Variants in DET1 observed in about 807,000 individuals in gnomAD.
DET1 encodes DET1 partner of COP1 E3 ubiquitin ligase, also known as DET1 homolog.
Under a neutral mutation model 43.7 loss-of-function variants are expected in DET1, and 22 were observed. That is an observed-to-expected ratio of 0.50 (90% confidence interval 0.36 to 0.72). DET1 has a LOEUF of 0.72. DET1 is among the 30% of genes least tolerant of loss of function. The pLI is 0.00. For synonymous variants in DET1, 315 were observed against 266.2 expected, an observed-to-expected ratio of 1.18 and a Z score of -1.79; for missense variants, 713 against 713.3, an observed-to-expected ratio of 1.00 and a Z score of 0.00.
At chr15:88,538,642 T>C (rs575226908) in intron 1 of DET1, among the ~76,000 whole-genome samples, 31 of 152,118 alleles carry the variant, frequency 2.0e-4, no homozygotes, top group Non-Finnish European at 4.3e-4. Context: ...GGGTACAACA[T>C]AATGGAGGCC....
intron 3 of DET1, among the ~76,000 whole-genome samples, chr15:88,519,357 C>G (rs1567060412): frequency 1.3e-5 from 2 of 152,184 alleles, no homozygotes; most frequent in Non-Finnish European, 2.9e-5. Context: ...CTTTACAGCA[C>G]CATAGCCTCC....
rs1324325764 is a variant in DET1 at position 88,527,805 on chromosome 15, A to G, written c.1084-19T>C. On this transcript the variant is annotated intron_variant, in intron 2 of 4. Transcript: ENST00000268148. ...AAGATGCCTGCAGAAGAAAAGAGAG[A>G]GAGGTATGGGACAGCTGAGTATAAT... 1 of 1,567,510 alleles carries G rather than the reference A, an allele frequency of 6.4e-7. No homozygotes were observed. The highest frequency in any genetic ancestry group is 1.2e-5 in the South Asian group (1 of 85,094).
chr15:88,510,863 T>C (rs1213515310), downstream of DET1, among the ~76,000 whole-genome samples: 1 of 144,026 alleles, frequency 6.9e-6, no homozygotes, highest in East Asian at 2.3e-4. Flanking sequence ...AAGCCCCACC[T>C]CCCGGGTTCA....
intron 1 of DET1, among the ~76,000 whole-genome samples, chr15:88,543,267 T>G (rs528684496): frequency 2.0e-5 from 3 of 152,334 alleles, no homozygotes; most frequent in Admixed American, 2.0e-4. Flanking sequence ...GATGGCCAAG[T>G]AGCAGCTAGA....
chr15:88,530,751 A>G lies in DET1; in HGVS notation c.955T>C (p.Phe319Leu), dbSNP rs769319760. Reference sequence around the variant, plus strand: ...CGCAGTTGGTCAAAATACTGGAAGAAGCGCCTCTTGGCCATTGCACTACCA... The same window carrying G: ...CGCAGTTGGTCAAAATACTGGAAGAGGCGCCTCTTGGCCATTGCACTACCA... ...QDGSAMAKRR[F>L]FQYFDQLRQL... Residue 319 changes from phenylalanine to leucine, a missense_variant, in exon 2 of 5, where the codon TTC (phenylalanine) becomes CTC (leucine). Physicochemically the swap from Phe to Leu is conservative, Grantham distance 22. Coordinates refer to ENST00000268148, the MANE Select transcript of DET1 (RefSeq NM_001144074.3). The G allele has an allele frequency of 1.2e-6, 2 of 1,613,960 alleles. No homozygotes were observed. Among genetic ancestry groups the G allele is most frequent in the Non-Finnish European group, 1.7e-6 (2 of 1,179,852 alleles).
rs1321259346 is a variant in DET1 at position 88,530,849 on chromosome 15, G to C, written c.857C>G (p.Pro286Arg). The C allele has an allele frequency of 6.2e-7, 1 of 1,613,960 alleles. No individual in the cohort carries two copies. The change falls in exon 2 of 5, where the codon CCC (proline) becomes CGC (arginine). Residue 286 changes from proline (P) to arginine (R), a missense_variant. Pro to Arg is a moderately radical substitution (Grantham distance 103). Coordinates refer to ENST00000268148, the MANE Select transcript of DET1 (RefSeq NM_001144074.3). ...GGAATTGATGAAAGGATCCCTAAAG[G>C]GATTGGCCATGCCTGTCTGACTGTC... ...QRDSQTGMANPFRDPFINSLK... is the reference protein window; with the variant it reads ...QRDSQTGMANRFRDPFINSLK...
chr15:88,512,416 G>GA, downstream of DET1: 1 of 985,556 alleles, frequency 1.0e-6, no homozygotes, highest in Non-Finnish European at 1.2e-6. Context: ...GTCCTTCCTG[G>GA]AACCCAAGTA....
rs1004126289 is a variant in DET1, at chr15:88,516,271, G to T, written c.1463+511C>A. Among the ~76,000 whole-genome samples, 19 of 152,322 alleles carry T rather than the reference G, an allele frequency of 1.2e-4. No individual in the cohort carries two copies. Among genetic ancestry groups the T allele is most frequent in the African/African-American group, 4.6e-4 (19 of 41,576 alleles). Reference sequence around the variant, plus strand: ...TGTGAACTAGACTTCTGTGAGGAAAGAATTTCTTGTAAGACGTCAGTTTCA... The same window carrying T: ...TGTGAACTAGACTTCTGTGAGGAAATAATTTCTTGTAAGACGTCAGTTTCA... On this transcript the variant is annotated intron_variant, in intron 4 of 4. Transcript: ENST00000268148. The surrounding 1 kb of genome is among the most constrained non-coding windows in gnomAD (Gnocchi z 4.4).
intron 1 of DET1, among the ~76,000 whole-genome samples, chr15:88,543,478 GACTGTAAGGA>G (rs2057165684): frequency 6.6e-6 from 1 of 152,218 alleles, no homozygotes; most frequent in South Asian, 2.1e-4. Context: ...TACTATCCAA[GACTGTAAGGA>G]ACTGTTAGAA....
chr15:88,533,892 TATC>T (rs1216490624), intron 1 of DET1, among the ~76,000 whole-genome samples: 1 of 132,982 alleles, frequency 7.5e-6, no homozygotes, highest in Admixed American at 7.3e-5. Context: ...GTAAAATACT[TATC>T]ATTAAAAAAA....
chr15:88,518,166 T>C (rs952763499), intron 3 of DET1, among the ~76,000 whole-genome samples: 1 of 150,066 alleles, frequency 6.7e-6, no homozygotes, highest in Non-Finnish European at 1.5e-5. Context: ...GGTCTTCAAC[T>C]CCTGGCCTCA....
At chr15:88,527,355 T>A (rs142256105) in intron 3 of DET1, among the ~76,000 whole-genome samples, 218 of 152,326 alleles carry the variant, frequency 1.4e-3, no homozygotes, top group African/African-American at 4.7e-3. Context: ...TAGCAATACA[T>A]GAAGACACAG....
chr15:88,545,608 TTTC>T (rs2057232264), intron 1 of DET1, among the ~76,000 whole-genome samples: 9 of 151,878 alleles, frequency 5.9e-5, no homozygotes, highest in Admixed American at 5.2e-4. Context: ...ATTAAATTGG[TTTC>T]TTAATTTTGT....
At position 88,516,053 on chromosome 15, in the gene DET1, G is replaced by A. The variant is rs138108263; in HGVS notation, c.1463+729C>T. Reference sequence around the variant, plus strand: ...CATTTAATACACAATGAGACTGGATGATGAAATATATCTATCATAAAGATC... The same window carrying A: ...CATTTAATACACAATGAGACTGGATAATGAAATATATCTATCATAAAGATC... On this transcript the variant is annotated intron_variant, in intron 4 of 4. Coordinates refer to ENST00000268148, the MANE Select transcript of DET1 (RefSeq NM_001144074.3). The surrounding 1 kb of genome is among the most constrained non-coding windows in gnomAD (Gnocchi z 4.4). Among the ~76,000 whole-genome samples, 1,076 of 152,290 alleles carry A rather than the reference G, an allele frequency of 7.1e-3. 13 individuals carry two copies. The highest frequency in any genetic ancestry group is 0.022 in the African/African-American group (926 of 41,550).
rs1469175751 is a variant in DET1, at chr15:88,504,098, T to C, written c.*2066-111A>G. 2 of 152,196 alleles carry C rather than the reference T, an allele frequency of 1.3e-5. No homozygotes were observed. Among genetic ancestry groups the C allele is most frequent in the African/African-American group, 4.8e-5 (2 of 41,450 alleles). The allele number at this position is 152,196 out of a possible 1,614,324, so 9.4% of individuals were successfully genotyped here. ...GGCTCAGAGTTTCTCATGAGGTTGC[T>C]GTCATCTATAGGCTTGAATGAAGCG... On this transcript the variant is annotated intron_variant and NMD_transcript_variant, in intron 7 of 8. Transcript: ENST00000557842. This position sits in a 1 kb window ranked among gnomAD's most constrained non-coding sequence, Gnocchi z 4.7.
downstream of DET1, among the ~76,000 whole-genome samples, chr15:88,507,989 C>T (rs959758628): frequency 2.4e-4 from 36 of 152,144 alleles, no homozygotes; most frequent in African/African-American, 7.7e-4. Context: ...AGATTAGCGG[C>T]GGCATTAGAT....
intron 3 of DET1, among the ~76,000 whole-genome samples, chr15:88,517,231 T>G (rs1029065375): frequency 2.0e-5 from 3 of 150,650 alleles, no homozygotes; most frequent in Admixed American, 1.3e-4. Context: ...TGGGTTTTTT[T>G]TTTTTTTTTT....
intron 3 of DET1, among the ~76,000 whole-genome samples, chr15:88,522,795 G>A (rs1409750805): frequency 6.6e-6 from 1 of 151,636 alleles, no homozygotes; most frequent in Non-Finnish European, 1.5e-5. Context: ...TGGGATTACA[G>A]GCATGAGCCA....
rs368418254 is a variant in DET1 at position 88,513,082 on chromosome 15, G to A, written c.1522C>T (p.Arg508Cys). 119 of 1,613,846 alleles carry A rather than the reference G, an allele frequency of 7.4e-5. No homozygotes were observed. The highest frequency in any genetic ancestry group is 6.0e-5 in the Non-Finnish European group (71 of 1,179,874). ...KFEIQAGLLG[R>C]PINHTVRRLV... ...CGTCGCACTGTGTGGTTGATGGGGC[G>A]GCCCAATAACCCCGCCTGGATCTCA... is the stretch of plus-strand genomic sequence containing the variant. Residue 508 changes from arginine to cysteine, a missense_variant, in exon 5 of 5, where the codon CGC becomes TGC. Transcript: ENST00000268148.
Sources: allele counts gnomAD v4.1 joint callset (sites outside exome capture counted in the v4.1 genomes callset), GRCh38; gene constraint gnomAD v4.1.1; non-coding constraint Gnocchi (gnomAD v3.1); transcripts MANE v1.5; gene names NCBI Gene and HGNC (gene_info 2026-07-23, HGNC 2026-07-21).